The following TRAF5 variants were observed in gnomAD, a reference collection of about 807,000 sequenced individuals.
TRAF5 encodes TNF receptor associated factor 5.
TRAF5 carries 48 observed loss-of-function variants against 64.5 expected under a neutral mutation model. That is an observed-to-expected ratio of 0.74 (90% CI 0.59 to 0.95). The LOEUF (loss-of-function observed/expected upper bound fraction) is 0.95. Ranked by LOEUF, TRAF5 falls within the 40% of genes least tolerant of loss-of-function variation. The pLI, the probability that TRAF5 is intolerant of heterozygous loss-of-function variation, is 0.00. For missense variants in TRAF5, 545 were observed against 662.8 expected (o/e 0.82, Z 1.95); for synonymous variants, 206 against 240.5 (o/e 0.86, Z 1.33).
chr1:211,344,276 G>A (rs1367814743), intron 1 of TRAF5, among the ~76,000 whole-genome samples: 1 of 152,196 alleles, frequency 6.6e-6, no homozygotes, highest in African/African-American at 2.4e-5. Context: ...GGAACCAGAG[G>A]TTTCCTGACA....
rs753207609 is a variant in TRAF5 at position 211,372,778 on chromosome 1, C to A, written c.*76C>A. On this transcript the variant is annotated 3_prime_UTR_variant, in exon 11 of 11. Transcript: ENST00000261464. ...AGAGCACATTTGATTATCATATTGACCTGGATTTAGACTCAAAGCACATTT... is the reference window on the plus strand; with the variant it reads ...AGAGCACATTTGATTATCATATTGAACTGGATTTAGACTCAAAGCACATTT... 2.6e-5 allele frequency: 35 copies of A among 1,339,964 alleles called. No individual in the cohort carries two copies. In the African/African-American group the frequency reaches 3.2e-4, roughly 12 times the overall value. The allele number at this position is 1,339,964 out of a possible 1,614,324, so 83.0% of individuals were successfully genotyped here. A position where few individuals can be genotyped will look rare whatever the true frequency, so the allele number is the denominator to read the frequency against.
intron 1 of TRAF5, among the ~76,000 whole-genome samples, chr1:211,351,031 C>CT (rs11426853): frequency 0.83 from 96,611 of 116,040 alleles, 42,343 homozygotes; most frequent in Non-Finnish European, 0.95. Context: ...CTGGCCTCTT[C>CT]TTTTTTTTTT....
chr1:211,371,067 A>G (rs1703506091), intron 9 of TRAF5, among the ~76,000 whole-genome samples: 3 of 152,192 alleles, frequency 2.0e-5, no homozygotes, highest in Non-Finnish European at 4.4e-5. Context: ...AAAATCAGAT[A>G]AAGAAAAGTT....
rs1260276903 is a variant in TRAF5, at chr1:211,371,412, A to G, written c.1041A>G (p.Glu347=). 6.2e-7 allele frequency: 1 copy of G among 1,611,560 alleles called. No homozygotes were observed. The highest frequency in any genetic ancestry group is 1.7e-5 in the Admixed American group (1 of 59,148). The change falls in exon 10 of 11, where the codon GAA becomes GAG. Residue 347 remains glutamate (E), a synonymous_variant. Transcript: ENST00000261464. ...AATTTGACCTGAGACCTTTGATGGA[A>G]GCAGTTGATACAGTGAAACAGAAAA... ...QNKFDLRPLM[E]AVDTVKQKIT...
In TRAF5 at chr1:211,347,363, G is replaced by A. The variant is rs555965282; in HGVS notation, c.-1-5876G>A. Among the ~76,000 whole-genome samples, 3 of 152,282 alleles carry A rather than the reference G, an allele frequency of 2.0e-5. No individual in the cohort carries two copies. In the East Asian group the frequency reaches 5.8e-4, roughly 29 times the overall value. On this transcript the variant is annotated intron_variant, in intron 1 of 10. Coordinates refer to ENST00000261464, the MANE Select transcript of TRAF5 (RefSeq NM_001033910.3). ...TCCAGGCTTGAGGAAGCTTCAGAAG[G>A]AGACGGATCCTGCCCTGGGAGGCAT...
intron 1 of TRAF5, among the ~76,000 whole-genome samples, chr1:211,329,030 G>A (rs1702092957): frequency 6.6e-6 from 1 of 152,184 alleles, no homozygotes; most frequent in East Asian, 1.9e-4. Context: ...CTCTTCCTCC[G>A]TCTGAGGGGT....
chr1:211,354,665 C>T (rs1445845186), intron 3 of TRAF5, among the ~76,000 whole-genome samples, 198 bp downstream of exon 3: 1 of 152,000 alleles, frequency 6.6e-6, no homozygotes, highest in Non-Finnish European at 1.5e-5. Flanking sequence ...TGACCACACC[C>T]CTCCTCCACC....
At chr1:211,355,619 G>A (rs938854943) in intron 3 of TRAF5, among the ~76,000 whole-genome samples, 1 of 152,166 alleles carries the variant, frequency 6.6e-6, no homozygotes, top group Non-Finnish European at 1.5e-5. Context: ...CTATCCAGGG[G>A]TTGGCATACT....
chr1:211,368,884 AC>A (rs1703436812), intron 8 of TRAF5: 1 of 152,240 alleles, frequency 6.6e-6, no homozygotes, highest in Non-Finnish European at 1.5e-5. Flanking sequence ...TTTGAGGCAT[AC>A]AAGAGCTAAT....
At chr1:211,366,952 CACTT>C (rs1437960142) in intron 8 of TRAF5, among the ~76,000 whole-genome samples, 2 of 137,976 alleles carry the variant, frequency 1.4e-5, no homozygotes, top group Non-Finnish European at 3.2e-5. Flanking sequence ...AATTGGAAAA[CACTT>C]GGTCAGCTAA....
At chr1:211,334,594 G>T (rs1018101198) in intron 1 of TRAF5, among the ~76,000 whole-genome samples, 1 of 152,136 alleles carries the variant, frequency 6.6e-6, no homozygotes, top group African/African-American at 2.4e-5. Context: ...GGAGGCGGAG[G>T]TTGCAGTGAG....
rs529790546 is a variant in TRAF5, at chr1:211,342,490, A to G, written c.-1-10749A>G. ...GCATGTATCATTTCTTTGTGTTACA[A>G]TCATCCCAATTCTTTTAGTTATTTT... On this transcript the variant is annotated intron_variant, in intron 1 of 10. Coordinates refer to ENST00000261464, the MANE Select transcript of TRAF5 (RefSeq NM_001033910.3). 6.2e-4 allele frequency among the ~76,000 whole-genome samples: 95 copies of G among 152,292 alleles called. 2 individuals are homozygous for G. The Middle Eastern group carries it at 0.01, about 16-fold the overall frequency.
chr1:211,343,909 A>G (rs888194561), intron 1 of TRAF5, among the ~76,000 whole-genome samples: 2 of 152,246 alleles, frequency 1.3e-5, no homozygotes, highest in Admixed American at 6.5e-5. Flanking sequence ...GCTGGAGCCA[A>G]GGATGGGGGC....
rs374226248 is a variant in TRAF5 at position 211,365,356 on chromosome 1, T to C, written c.697-20T>C. ...TGGAGCCTCTCAGCAACCTGACTTATTTTTCTCTTCATATTGAAGGATAAA... is the reference window on the plus strand; with the variant it reads ...TGGAGCCTCTCAGCAACCTGACTTACTTTTCTCTTCATATTGAAGGATAAA... On this transcript the variant is annotated intron_variant, in intron 7 of 10. Coordinates refer to ENST00000261464, the MANE Select transcript of TRAF5 (RefSeq NM_001033910.3). 3.0e-5 allele frequency: 48 copies of C among 1,607,170 alleles called. No individual in the cohort carries two copies. The African/African-American group carries it at 6.2e-4, about 21-fold the overall frequency.
chr1:211,361,930 C>T (rs1447510864), intron 7 of TRAF5, among the ~76,000 whole-genome samples: 2 of 152,036 alleles, frequency 1.3e-5, no homozygotes, highest in African/African-American at 4.8e-5. Flanking sequence ...CTTCAGACCT[C>T]AGGCGATGCG....
intron 1 of TRAF5, among the ~76,000 whole-genome samples, chr1:211,346,048 G>T (rs1297774993): frequency 6.6e-6 from 1 of 152,234 alleles, no homozygotes; most frequent in Non-Finnish European, 1.5e-5. Flanking sequence ...TTCAGCTACA[G>T]TTAATTGCTA....
intron 4 of TRAF5, chr1:211,357,715 T>G (rs1703012922): frequency 1.3e-5 from 2 of 152,204 alleles, no homozygotes; most frequent in Admixed American, 6.5e-5. Context: ...GGATTCCAAC[T>G]GTGATCACCA....
chr1:211,361,190 A>G (rs762732049), intron 7 of TRAF5, 28 bp downstream of exon 7: 6 of 1,599,766 alleles, frequency 3.8e-6, no homozygotes, highest in South Asian at 1.1e-5. Context: ...GTTTCTGCCT[A>G]TACATTCTAC....
Position 211,372,280 on chromosome 1 carries a change from A to G in TRAF5, c.1252A>G (p.Arg418Gly). The G allele has an allele frequency of 6.2e-7, 1 of 1,614,182 alleles. No individual in the cohort carries two copies. Among genetic ancestry groups the G allele is most frequent in the Non-Finnish European group, 8.5e-7 (1 of 1,180,032 alleles). ...GGTGACAGATTACAAGATGAAGAAG[A>G]GAGAGGCGGTGGATGGGCACACAGT... ...WKVTDYKMKKREAVDGHTVSI... is the reference protein window; with the variant it reads ...WKVTDYKMKKGEAVDGHTVSI... Residue 418 changes from arginine (R) to glycine (G), a missense_variant, in exon 11 of 11, where the codon AGA (arginine) becomes GGA (glycine). Transcript: ENST00000261464.
Sources: gnomAD v4.1 joint callset for allele counts (sites outside exome capture counted in the v4.1 genomes callset) on GRCh38, gnomAD v4.1.1 for gene constraint, MANE v1.5 for transcripts, NCBI Gene and HGNC (gene_info 2026-07-23, HGNC 2026-07-21) for gene names.